The following FAM221A variants were observed in gnomAD, a reference collection of about 807,000 sequenced individuals.
The protein encoded by FAM221A is protein FAM221A.
In FAM221A, 43 loss-of-function variants were observed where a neutral mutation model predicts 37.6. The observed-to-expected ratio is 1.15, with a 90% CI of 0.90 to 1.48. The LOEUF (loss-of-function observed/expected upper bound fraction) is 1.48, where lower values mean the gene tolerates loss of function less well. FAM221A is among the 40% of genes most tolerant of loss of function. The pLI, the probability that FAM221A is intolerant of heterozygous loss-of-function variation, is 0.00. For missense variants in FAM221A, 361 were observed against 361.5 expected (o/e 1.00, Z 0.01); for synonymous variants, 135 against 132.9 (o/e 1.02, Z -0.11).
chr7:23,692,722 C>A, intron 4 of FAM221A: 1 of 982,560 alleles, frequency 1.0e-6, no homozygotes, highest in Non-Finnish European at 1.2e-6. Flanking sequence ...TGCAAAACAC[C>A]CTTGAATACT....
intron 2 of FAM221A, 90 bp from the exon 3 acceptor site, chr7:23,689,179 A>C (rs1379425841): frequency 2.4e-6 from 2 of 848,312 alleles, no homozygotes; most frequent in African/African-American, 1.7e-5. Flanking sequence ...AATAATTAAA[A>C]AATCATATCT....
chr7:23,697,112 A>T (rs1184056967), intron 4 of FAM221A, among the ~76,000 whole-genome samples: 1 of 152,198 alleles, frequency 6.6e-6, no homozygotes, highest in Non-Finnish European at 1.5e-5. Context: ...CTTATTAAAT[A>T]CAAGTTGAGC....
At chr7:23,701,497 G>A (rs7787617) in intron 6 of FAM221A, among the ~76,000 whole-genome samples, 20,624 of 151,888 alleles carry the variant, frequency 0.14, 1,586 homozygotes, top group Middle Eastern at 0.19. Context: ...CCTCGGCCTC[G>A]CAAAGTGCTG....
intron 4 of FAM221A, among the ~76,000 whole-genome samples, chr7:23,696,769 T>C (rs1345183413): frequency 6.6e-6 from 1 of 152,162 alleles, no homozygotes; most frequent in Non-Finnish European, 1.5e-5. Context: ...TAAGATGTTT[T>C]TGTTCTGATT....
In FAM221A at chr7:23,689,312, T is replaced by C. The variant is rs35495590; in HGVS notation, c.283T>C (p.Cys95Arg). ...KTDLEAIPQQ[C>R]PIDLPCQVTG... ...TGACTTGGAAGCGATTCCTCAGCAGTGCCCCATTGATCTGCCCTGCCAAGT... is the reference window on the plus strand; with the variant it reads ...TGACTTGGAAGCGATTCCTCAGCAGCGCCCCATTGATCTGCCCTGCCAAGT... Residue 95 changes from cysteine (C) to arginine (R), a missense_variant, in exon 3 of 7, where the codon TGC (cysteine) becomes CGC (arginine). Cys to Arg is a radical substitution (Grantham distance 180). Transcript: ENST00000344962. 114,368 of 1,580,350 alleles carry C rather than the reference T, an allele frequency of 0.072. 4,437 individuals carry two copies. The highest frequency in any genetic ancestry group is 0.13 in the East Asian group (5,843 of 44,020).
intron 1 of FAM221A, among the ~76,000 whole-genome samples, chr7:23,682,614 A>G (rs2128033310): frequency 6.6e-6 from 1 of 151,672 alleles, no homozygotes; most frequent in Non-Finnish European, 1.5e-5. Flanking sequence ...TGGTAGAGAC[A>G]GGGTTTTGCT....
intron 1 of FAM221A, among the ~76,000 whole-genome samples, chr7:23,682,371 A>ATG (rs10533703): frequency 0.012 from 1,638 of 138,116 alleles, 15 homozygotes; most frequent in East Asian, 0.021. Flanking sequence ...TGGCTTTATC[A>ATG]TGTGTGTGTG....
In FAM221A at chr7:23,684,492, G is replaced by A. The variant is rs769989488; in HGVS notation, c.66-7G>A. 1.9e-6 allele frequency: 3 copies of A among 1,569,136 alleles called. No individual in the cohort carries two copies. The highest frequency in any genetic ancestry group is 2.6e-6 in the Non-Finnish European group (3 of 1,154,746). On this transcript the variant is annotated splice_region_variant and splice_polypyrimidine_tract_variant and intron_variant, in intron 1 of 6. Coordinates refer to ENST00000344962, the MANE Select transcript of FAM221A (RefSeq NM_199136.5). ...AAGCTTAAGAGAAATATATATTTTT[G>A]TTGTAGAATTGTTGGTGAGGATGAT... is the stretch of plus-strand genomic sequence containing the variant.
chr7:23,702,036 G>A (rs1223717428), intron 6 of FAM221A, 60 bp from the exon 7 acceptor site: 1 of 1,212,260 alleles, frequency 8.2e-7, no homozygotes, highest in African/African-American at 1.6e-5. Flanking sequence ...TTTTCTGCAA[G>A]TTTTTTTTCT....
At position 23,698,300 on chromosome 7, in the gene FAM221A, G is replaced by C. The variant is rs752207529; in HGVS notation, c.745+1G>C. ...TCTTCTCCAGAAACGTTAACAGATG[G>C]TAATGAAATGAAGTTTAGAACTGTT... On this transcript the variant is annotated splice_donor_variant, in intron 5 of 6. Transcript: ENST00000344962. LOFTEE classifies it high-confidence loss of function. 4 of 1,492,954 alleles carry C rather than the reference G, an allele frequency of 2.7e-6. No homozygotes were observed. In the Admixed American group the frequency reaches 7.6e-5, roughly 28 times the overall value. The allele number at this position is 1,492,954 out of a possible 1,614,324, so 92.5% of individuals were successfully genotyped here.
chr7:23,690,199 A>ATATATTTTTTTTTT (rs774313037), intron 3 of FAM221A, among the ~76,000 whole-genome samples: 2 of 48,738 alleles, frequency 4.1e-5, no homozygotes, highest in South Asian at 1.2e-3. Flanking sequence ...ATATATATAT[A>ATATATTTTTTTTTT]TTTTTTTTTT....
At chr7:23,694,600 CACA>C (rs1225128792) in intron 4 of FAM221A, 1 of 152,190 alleles carries the variant, frequency 6.6e-6, no homozygotes, top group Non-Finnish European at 1.5e-5. Context: ...ACTTAATCCT[CACA>C]ACAACTCTGT....
At chr7:23,701,235 T>C (rs1229838587) in intron 6 of FAM221A, among the ~76,000 whole-genome samples, 1 of 88,592 alleles carries the variant, frequency 1.1e-5, no homozygotes, top group African/African-American at 3.8e-5. Context: ...TATTTTGAAT[T>C]CTCTTTTTTT....
chr7:23,693,483 T>G (rs1784866488), intron 4 of FAM221A: 1 of 152,152 alleles, frequency 6.6e-6, no homozygotes, highest in South Asian at 2.1e-4. Context: ...TTTTTTTTGT[T>G]TTTATCTTTT....
In FAM221A at chr7:23,701,376, A is replaced by T. The variant is rs1255520435; in HGVS notation, c.828+508A>T. ...TGCTTCAGCCTCCCGAGTAGCTGGG[A>T]CCACAGGCGCCCACCACCATGCCCA... On this transcript the variant is annotated intron_variant, in intron 6 of 6. Transcript: ENST00000344962. 4.6e-5 allele frequency among the ~76,000 whole-genome samples: 7 copies of T among 150,988 alleles called. No homozygotes were observed. The South Asian group carries it at 1.5e-3, about 32-fold the overall frequency.
At position 23,691,441 on chromosome 7, in the gene FAM221A, C is replaced by G; in HGVS notation, c.482C>G (p.Pro161Arg). Residue 161 changes from proline to arginine, a missense_variant, in exon 4 of 7, where the codon CCT becomes CGT. Physicochemically the swap from Pro to Arg is moderately radical, Grantham distance 103. Transcript: ENST00000344962. ...TGCTTCACTTGTGCTTGTGGTCAGC[C>G]TGCATATGCCCATGACACAGTAGTG... ...HSCFTCACGQ[P>R]AYAHDTVVET... 1 of 1,614,184 alleles carries G rather than the reference C, an allele frequency of 6.2e-7. No individual in the cohort carries two copies. The highest frequency in any genetic ancestry group is 8.5e-7 in the Non-Finnish European group (1 of 1,180,030).
intron 5 of FAM221A, 49 bp from the exon 6 acceptor site, chr7:23,700,737 G>T: frequency 8.6e-7 from 1 of 1,158,492 alleles, no homozygotes; most frequent in South Asian, 1.5e-5. Flanking sequence ...TATTTCAGGG[G>T]AATATGTAAT....
chr7:23,698,972 A>G (rs1339002126), intron 5 of FAM221A, among the ~76,000 whole-genome samples: 1 of 152,162 alleles, frequency 6.6e-6, no homozygotes, highest in East Asian at 1.9e-4. Flanking sequence ...GGTTGATGTA[A>G]TTGCTTTGTT....
At chr7:23,703,111 C>T (rs773292675), downstream of FAM221A, 9 of 152,214 alleles carry the variant, frequency 5.9e-5, no homozygotes, top group Admixed American at 6.5e-5. Flanking sequence ...AAAGTCCTAT[C>T]GTTGAGCTCC....
Sources: allele counts gnomAD v4.1 joint callset (sites outside exome capture counted in the v4.1 genomes callset), GRCh38; gene constraint gnomAD v4.1.1; transcripts MANE v1.5; gene names NCBI Gene and HGNC (gene_info 2026-07-23, HGNC 2026-07-21).